BTBD9: variants seen among roughly 807,000 people sequenced by gnomAD.
The protein encoded by BTBD9 is BTB/POZ domain-containing protein 9.
BTBD9 carries 49 observed loss-of-function variants against 64.3 expected under a neutral mutation model. The observed-to-expected ratio is 0.76, with a 90% CI of 0.61 to 0.97. BTBD9 has a LOEUF of 0.97. Ranked by LOEUF, BTBD9 falls within the 50% of genes least tolerant of loss-of-function variation. BTBD9 has a pLI of 0.00. For missense variants in BTBD9, 598 were observed against 762.1 expected, an observed-to-expected ratio of 0.78 and a Z score of 2.53; for synonymous variants, 260 against 274.7, an observed-to-expected ratio of 0.95 and a Z score of 0.53.
chr6:38,258,915 C>CAATA (rs2127536765), intron 8 of BTBD9, among the ~76,000 whole-genome samples: 1 of 152,204 alleles, frequency 6.6e-6, no homozygotes, highest in East Asian at 1.9e-4. Flanking sequence ...AAAAAACAAT[C>CAATA]AATAATAATG....
At chr6:38,474,793 ACAT>A (rs1463789749) in intron 6 of BTBD9, among the ~76,000 whole-genome samples, 1 of 152,178 alleles carries the variant, frequency 6.6e-6, no homozygotes, top group Non-Finnish European at 1.5e-5. Context: ...TTTTTAGTCC[ACAT>A]CATGATAAAA....
At position 38,580,445 on chromosome 6, in the gene BTBD9, T is replaced by A; in HGVS notation, c.815-8A>T. 2 of 1,605,660 alleles carry A rather than the reference T, an allele frequency of 1.2e-6. No individual in the cohort carries two copies. The highest frequency in any genetic ancestry group is 1.7e-5 in the Admixed American group (1 of 59,152). Reference sequence around the variant, plus strand: ...CAATGTTTTCTTCTGGTACTACAGTTAAAAATAGAAAAAGCAAGGTTAATG... The same window carrying A: ...CAATGTTTTCTTCTGGTACTACAGTAAAAAATAGAAAAAGCAAGGTTAATG... On this transcript the variant is annotated splice_region_variant and splice_polypyrimidine_tract_variant and intron_variant, in intron 4 of 10. Coordinates refer to ENST00000481247, the MANE Select transcript of BTBD9 (RefSeq NM_001099272.2).
chr6:38,458,159 A>G (rs1044498256), intron 6 of BTBD9, among the ~76,000 whole-genome samples: 2 of 152,222 alleles, frequency 1.3e-5, no homozygotes, highest in Admixed American at 1.3e-4. Context: ...GAAAAAAACA[A>G]AACAGATTAA....
chr6:38,587,201 C>A (rs1163329854), intron 4 of BTBD9: 10 of 193,980 alleles, frequency 5.2e-5, no homozygotes, highest in Non-Finnish European at 1.1e-4. Flanking sequence ...CTCCCTGCAA[C>A]ACCCCAGCCT....
At chr6:38,266,916 C>T (rs1456386103) in intron 8 of BTBD9, among the ~76,000 whole-genome samples, 1 of 152,212 alleles carries the variant, frequency 6.6e-6, no homozygotes, top group African/African-American at 2.4e-5. Flanking sequence ...CAGTGACACA[C>T]TAGGCAGGTA....
intron 8 of BTBD9, among the ~76,000 whole-genome samples, chr6:38,278,932 A>T (rs1380747212): frequency 6.6e-6 from 1 of 152,152 alleles, no homozygotes; most frequent in East Asian, 1.9e-4. Flanking sequence ...GTAAAAGCAT[A>T]CTCTGCATTT....
chr6:38,558,488 T>A (rs1775123015), intron 6 of BTBD9, among the ~76,000 whole-genome samples: 1 of 152,168 alleles, frequency 6.6e-6, no homozygotes, highest in Non-Finnish European at 1.5e-5. Context: ...TCAAGGAGAA[T>A]GCTTCCAGCT....
intron 10 of BTBD9, among the ~76,000 whole-genome samples, chr6:38,191,496 T>C (rs1270472254): frequency 6.6e-6 from 1 of 152,240 alleles, no homozygotes; most frequent in Non-Finnish European, 1.5e-5. Flanking sequence ...CTACTTAATG[T>C]TGTGCTCCCT....
At chr6:38,328,946 CA>C (rs35867305) in intron 7 of BTBD9, among the ~76,000 whole-genome samples, 40 of 120,296 alleles carry the variant, frequency 3.3e-4, no homozygotes, top group Non-Finnish European at 4.2e-4. Flanking sequence ...GACTTCGTCT[CA>C]AAAAAAAAAA....
At chr6:38,180,477 C>A (rs552896705) in intron 10 of BTBD9, among the ~76,000 whole-genome samples, 1 of 152,130 alleles carries the variant, frequency 6.6e-6, no homozygotes, top group Non-Finnish European at 1.5e-5. Flanking sequence ...CCCTTCCCAC[C>A]GTAACCCCAA....
intron 6 of BTBD9, among the ~76,000 whole-genome samples, chr6:38,526,893 C>G (rs1187894362): frequency 6.6e-6 from 1 of 152,060 alleles, no homozygotes; most frequent in Non-Finnish European, 1.5e-5. Context: ...TCAGATGAGA[C>G]TTTGGATTAT....
chr6:38,516,077 C>T (rs1055592340), intron 6 of BTBD9, among the ~76,000 whole-genome samples: 1 of 152,110 alleles, frequency 6.6e-6, no homozygotes, highest in Non-Finnish European at 1.5e-5. Flanking sequence ...TTTTATTATT[C>T]TAGCTCATAA....
intron 7 of BTBD9, among the ~76,000 whole-genome samples, chr6:38,307,103 G>T (rs915765456): frequency 6.6e-6 from 1 of 152,072 alleles, no homozygotes; most frequent in African/African-American, 2.4e-5. Flanking sequence ...TTTAAAGGAG[G>T]AAACACACCA....
intron 6 of BTBD9, among the ~76,000 whole-genome samples, chr6:38,410,460 G>GA (rs958140308): frequency 6.6e-6 from 1 of 151,994 alleles, no homozygotes; most frequent in African/African-American, 2.4e-5. Flanking sequence ...GTAACCAAGT[G>GA]AGACCTTATC....
intron 6 of BTBD9, among the ~76,000 whole-genome samples, chr6:38,499,724 A>G (rs1772111133): frequency 6.6e-6 from 1 of 152,184 alleles, no homozygotes; most frequent in African/African-American, 2.4e-5. Context: ...AAACAAAACA[A>G]AACACCATAG....
intron 6 of BTBD9, among the ~76,000 whole-genome samples, chr6:38,404,835 C>T (rs536668534): frequency 6.6e-6 from 1 of 152,228 alleles, no homozygotes; most frequent in African/African-American, 2.4e-5. Context: ...CAGAGTGGCC[C>T]GCACTTGAAA....
intron 6 of BTBD9, among the ~76,000 whole-genome samples, chr6:38,401,904 C>A (rs1187148238): frequency 6.6e-6 from 1 of 152,158 alleles, no homozygotes; most frequent in Non-Finnish European, 1.5e-5. Context: ...GTTAACTATA[C>A]ATACTCTACT....
At chr6:38,336,052 T>C (rs1463825408) in intron 7 of BTBD9, among the ~76,000 whole-genome samples, 1 of 152,102 alleles carries the variant, frequency 6.6e-6, no homozygotes, top group Non-Finnish European at 1.5e-5. Context: ...TAGTTCTCTA[T>C]AGCAGTGTGA....
At chr6:38,544,423 G>A (rs1353212364) in intron 6 of BTBD9, among the ~76,000 whole-genome samples, 1 of 152,076 alleles carries the variant, frequency 6.6e-6, no homozygotes, top group Non-Finnish European at 1.5e-5. Flanking sequence ...GTGTGTGTGT[G>A]TATGTGTGTA....
Sources: allele counts gnomAD v4.1 joint callset (sites outside exome capture counted in the v4.1 genomes callset), GRCh38; gene constraint gnomAD v4.1.1; transcripts MANE v1.5; gene names NCBI Gene and HGNC (gene_info 2026-07-23, HGNC 2026-07-21).